The following DLGAP2 variants were observed in gnomAD, a reference collection of about 807,000 sequenced individuals.
The protein encoded by DLGAP2 is DLG associated protein 2.
DLGAP2 carries 26 observed loss-of-function variants against 100.3 expected under a neutral mutation model. That is an observed-to-expected ratio of 0.26 (90% confidence interval 0.19 to 0.36). DLGAP2 has a LOEUF of 0.36. Ranked by LOEUF, DLGAP2 falls within the 10% of genes least tolerant of loss-of-function variation. The pLI is 1.00. For missense variants in DLGAP2, 1,858 were observed against 1,453.2 expected (o/e 1.28, Z -4.53); for synonymous variants, 886 against 630.1 (o/e 1.41, Z -6.08).
At chr8:1,188,604 G>A (rs144490149) in intron 2 of DLGAP2, among the ~76,000 whole-genome samples, 346 of 151,874 alleles carry the variant, frequency 2.3e-3, no homozygotes, top group African/African-American at 6.9e-3. Flanking sequence ...CGGGACGTCC[G>A]TGACATTTGC....
At chr8:1,594,794 A>C (rs1055533889) in intron 6 of DLGAP2, among the ~76,000 whole-genome samples, 2 of 152,148 alleles carry the variant, frequency 1.3e-5, no homozygotes, top group African/African-American at 4.8e-5. Flanking sequence ...TTTTAAAAAA[A>C]AGTTAAACAT....
chr8:918,416 C>T (rs937155022), intron 2 of DLGAP2, among the ~76,000 whole-genome samples: 1 of 152,174 alleles, frequency 6.6e-6, no homozygotes, highest in Non-Finnish European at 1.5e-5. Context: ...GCTTTTATAA[C>T]CATGCACGTT....
rs143419942 is a variant in DLGAP2 at position 1,408,627 on chromosome 8, T to C, written c.107-92739T>C. Among the ~76,000 whole-genome samples, 531 of 152,290 alleles carry C rather than the reference T, an allele frequency of 3.5e-3. 4 individuals carry two copies. The highest frequency in any genetic ancestry group is 0.012 in the African/African-American group (498 of 41,568). ...AGCCTGTTTTCTGGAGCAGGCAACA[T>C]GGATTCACGCATAACTTTGAAAATG... On this transcript the variant is annotated intron_variant, in intron 3 of 14. Transcript: ENST00000637795.
intron 1 of DLGAP2, chr8:893,237 G>C (rs1259651584): frequency 6.6e-6 from 1 of 152,176 alleles, no homozygotes; most frequent in South Asian, 2.1e-4. Flanking sequence ...TCATGGGAGA[G>C]TCCTGCCCTC....
intron 3 of DLGAP2, among the ~76,000 whole-genome samples, chr8:1,495,769 C>T (rs1350768877): frequency 2.6e-5 from 4 of 152,324 alleles, no homozygotes; most frequent in African/African-American, 9.6e-5. Flanking sequence ...CGGGGCCTTC[C>T]CCCGTATGCT....
chr8:1,338,784 T>A (rs946200240), intron 3 of DLGAP2, among the ~76,000 whole-genome samples: 1 of 141,484 alleles, frequency 7.1e-6, no homozygotes, highest in East Asian at 2.0e-4. Flanking sequence ...GAACGGGAAG[T>A]ACCATGGTGT....
chr8:1,689,239 A>G (rs1799190407), intron 12 of DLGAP2, among the ~76,000 whole-genome samples: 1 of 152,198 alleles, frequency 6.6e-6, no homozygotes, highest in Non-Finnish European at 1.5e-5. Context: ...ACGTAGAAAG[A>G]AACGGACTTT....
intron 3 of DLGAP2, among the ~76,000 whole-genome samples, chr8:1,500,538 A>T (rs910348771): frequency 2.0e-5 from 3 of 152,286 alleles, no homozygotes. Context: ...CAGCCTGGAG[A>T]GTCGGCACCT....
intron 1 of DLGAP2, among the ~76,000 whole-genome samples, chr8:761,478 A>G (rs373133284): frequency 1.3e-5 from 2 of 152,186 alleles, no homozygotes; most frequent in African/African-American, 2.4e-5. Flanking sequence ...GTAAGATTGT[A>G]GTTTTTTATA....
chr8:1,503,018 A>C (rs1799777793), intron 4 of DLGAP2, among the ~76,000 whole-genome samples: 1 of 151,714 alleles, frequency 6.6e-6, no homozygotes, highest in African/African-American at 2.4e-5. Flanking sequence ...CTGACCCTGG[A>C]CTCCGTGGTT....
At chr8:1,357,167 A>T (rs1027754030) in intron 3 of DLGAP2, among the ~76,000 whole-genome samples, 3 of 152,156 alleles carry the variant, frequency 2.0e-5, no homozygotes, top group Non-Finnish European at 2.9e-5. Flanking sequence ...GTGGACCAGG[A>T]AACGAGCCGC....
chr8:1,153,019 C>T (rs1187774778), intron 2 of DLGAP2, among the ~76,000 whole-genome samples: 2 of 152,156 alleles, frequency 1.3e-5, no homozygotes, highest in Non-Finnish European at 2.9e-5. Flanking sequence ...TGAAACTTAC[C>T]TCCTTTACTC....
At chr8:788,054 G>A (rs1362948692) in intron 1 of DLGAP2, among the ~76,000 whole-genome samples, 3 of 152,238 alleles carry the variant, frequency 2.0e-5, no homozygotes, top group Admixed American at 6.5e-5. Flanking sequence ...CAAAGGCACA[G>A]CGATGGCACT....
At chr8:748,691 G>C (rs1820714824) in intron 1 of DLGAP2, among the ~76,000 whole-genome samples, 1 of 152,206 alleles carries the variant, frequency 6.6e-6, no homozygotes, top group African/African-American at 2.4e-5. Context: ...AGGAGCTCGT[G>C]GTGGCACACA....
intron 2 of DLGAP2, among the ~76,000 whole-genome samples, chr8:1,240,318 GTGTCTAGTTCTCTCTCACACATAACGTCA>G (rs1310089434): frequency 1.5e-4 from 21 of 139,862 alleles, no homozygotes; most frequent in South Asian, 4.8e-4. Flanking sequence ...ACATGGTGCT[GTGTCTAGTTCTCTCTCACACATAACGTCA>G]TGTCTAGTTC....
At chr8:776,937 G>A (rs1190542989) in intron 1 of DLGAP2, among the ~76,000 whole-genome samples, 1 of 152,164 alleles carries the variant, frequency 6.6e-6, no homozygotes, top group South Asian at 2.1e-4. Context: ...TCTGTCTAAT[G>A]TTGACAGTGG....
chr8:1,030,974 G>A (rs2129027879), intron 2 of DLGAP2, among the ~76,000 whole-genome samples: 1 of 152,296 alleles, frequency 6.6e-6, no homozygotes, highest in Admixed American at 6.5e-5. Context: ...CGGGAAACTG[G>A]CCAGTTGTTT....
intron 2 of DLGAP2, among the ~76,000 whole-genome samples, chr8:1,065,787 G>A (rs750120677): frequency 2.0e-5 from 3 of 152,116 alleles, no homozygotes; most frequent in East Asian, 1.9e-4. Context: ...CCTGACTGTC[G>A]AAGCCCCCAA....
At chr8:990,089 G>A (rs1293249498) in intron 2 of DLGAP2, among the ~76,000 whole-genome samples, 1 of 151,970 alleles carries the variant, frequency 6.6e-6, no homozygotes, top group Non-Finnish European at 1.5e-5. Flanking sequence ...TCATGAAAGG[G>A]GTCATCTACG....
Sources: allele counts gnomAD v4.1 joint callset (sites outside exome capture counted in the v4.1 genomes callset), GRCh38; gene constraint gnomAD v4.1.1; transcripts MANE v1.5; gene names NCBI Gene and HGNC (gene_info 2026-07-23, HGNC 2026-07-21).